The following FGF20 variants were observed in gnomAD, a reference collection of about 807,000 sequenced individuals.
FGF20 encodes fibroblast growth factor 20.
FGF20 carries 8 observed loss-of-function variants against 16.7 expected under a neutral mutation model. That is an observed-to-expected ratio of 0.48 (90% CI 0.28 to 0.87). FGF20 has a LOEUF of 0.87. FGF20 is among the 40% of genes least tolerant of loss of function. The pLI is 0.10. For missense variants in FGF20, 397 were observed against 281.4 expected (o/e 1.41, Z -2.94); for synonymous variants, 161 against 118.6 (o/e 1.36, Z -2.32).
chr8:16,993,595 G>A (rs1262612581), intron 2 of FGF20, among the ~76,000 whole-genome samples: 8 of 152,082 alleles, frequency 5.3e-5, no homozygotes, highest in Admixed American at 3.9e-4. Context: ...ATGGGGACAC[G>A]GGATGGTTTC....
chr8:17,001,846 T>C lies in FGF20; in HGVS notation c.187A>G (p.Ile63Val), dbSNP rs1286870556. The change falls in exon 1 of 3, where the codon ATC becomes GTC. Residue 63 changes from isoleucine to valine, a missense_variant. Ile to Val is a conservative substitution (Grantham distance 29, BLOSUM62 3). Coordinates refer to ENST00000180166, the MANE Select transcript of FGF20 (RefSeq NM_019851.3). ...CAATAGAGCTGCCGGCGGCGCAGGATGCCGTGCAGGTGCGCCAGCTGCGCA... is the reference window on the plus strand; with the variant it reads ...CAATAGAGCTGCCGGCGGCGCAGGACGCCGTGCAGGTGCGCCAGCTGCGCA... ...GAAQLAHLHG[I>V]LRRRQLYCRT... is the part of the protein sequence containing the mutation. The C allele has an allele frequency of 6.6e-7, 1 of 1,513,232 alleles. No homozygotes were observed. The highest frequency in any genetic ancestry group is 8.8e-7 in the Non-Finnish European group (1 of 1,133,814). The allele number at this position is 1,513,232 out of a possible 1,614,324, so 93.7% of individuals were successfully genotyped here.
chr8:16,992,785 G>C lies in FGF20; in HGVS notation c.*287C>G, dbSNP rs1041831813. The C allele has an allele frequency of 6.2e-5, 16 of 256,716 alleles. No homozygotes were observed. The East Asian group carries it at 1.4e-3, about 22-fold the overall frequency. The allele number at this position is 256,716 out of a possible 1,614,324, so 15.9% of individuals were successfully genotyped here. On this transcript the variant is annotated 3_prime_UTR_variant, in exon 3 of 3. Transcript: ENST00000180166. ...TGAGGCACCAGCAGCAACCATGTGA[G>C]GGTTCCCATTATCCACAGTTTAACA...
intron 1 of FGF20, among the ~76,000 whole-genome samples, chr8:17,001,383 G>T (rs906090495): frequency 1.3e-5 from 2 of 152,102 alleles, no homozygotes; most frequent in Non-Finnish European, 2.9e-5. Context: ...TGACTGCGAG[G>T]TAAGCAGTGC....
At chr8:16,998,441 C>A (rs1810106002) in intron 1 of FGF20, among the ~76,000 whole-genome samples, 1 of 152,110 alleles carries the variant, frequency 6.6e-6, no homozygotes, top group Admixed American at 6.6e-5. Context: ...TCATTTGATT[C>A]TTAAATGAGA....
At chr8:17,001,717 TG>T (rs1810188880) in intron 1 of FGF20, 29 bp downstream of exon 1, 8 of 1,548,584 alleles carry the variant, frequency 5.2e-6, no homozygotes, top group Non-Finnish European at 6.1e-6. Flanking sequence ...GGGGCGCAGA[TG>T]GGGGTGGGGT....
At chr8:16,998,325 T>C (rs770018242) in intron 1 of FGF20, among the ~76,000 whole-genome samples, 4 of 152,210 alleles carry the variant, frequency 2.6e-5, no homozygotes, top group Non-Finnish European at 4.4e-5. Flanking sequence ...CTCATGGGAC[T>C]GATATGTGTT....
intron 1 of FGF20, among the ~76,000 whole-genome samples, chr8:16,997,689 G>T (rs773525304): frequency 6.6e-6 from 1 of 152,170 alleles, no homozygotes; most frequent in Non-Finnish European, 1.5e-5. Flanking sequence ...AAGGCAGAGA[G>T]AAGATAAGAT....
rs1323824015 is a variant in FGF20, at chr8:16,992,249, G to A, written c.*823C>T. On this transcript the variant is annotated 3_prime_UTR_variant, in exon 3 of 3. Transcript: ENST00000180166. ...TACAAATCAATGAGGCATTTTTCTA[G>A]GCCAAAAGAAACCAACGTTACATTT... 6.6e-6 allele frequency: 1 copy of A among 150,586 alleles called. No individual in the cohort carries two copies. The highest frequency in any genetic ancestry group is 1.5e-5 in the Non-Finnish European group (1 of 67,706). The allele number at this position is 150,586 out of a possible 1,614,324, so 9.3% of individuals were successfully genotyped here. A position where few individuals can be genotyped will look rare whatever the true frequency, so the allele number is the denominator to read the frequency against.
chr8:16,997,326 C>T (rs17550102), intron 1 of FGF20, among the ~76,000 whole-genome samples: 5 of 152,158 alleles, frequency 3.3e-5, no homozygotes, highest in Admixed American at 2.6e-4. Flanking sequence ...ACCTTCACCC[C>T]TTCACCCCAT....
intron 2 of FGF20, among the ~76,000 whole-genome samples, chr8:16,994,527 A>G (rs1376177955): frequency 1.3e-5 from 2 of 151,902 alleles, no homozygotes. Context: ...ACTTATGATT[A>G]TTATACATTG....
At position 17,001,846 on chromosome 8, in the gene FGF20, T is replaced by A. The variant is rs1286870556; in HGVS notation, c.187A>T (p.Ile63Phe). The change falls in exon 1 of 3, where the codon ATC becomes TTC. Residue 63 changes from isoleucine (I) to phenylalanine (F), a missense_variant. Coordinates refer to ENST00000180166, the MANE Select transcript of FGF20 (RefSeq NM_019851.3). ...CAATAGAGCTGCCGGCGGCGCAGGA[T>A]GCCGTGCAGGTGCGCCAGCTGCGCA... ...GAAQLAHLHG[I>F]LRRRQLYCRT... The A allele has an allele frequency of 6.6e-7, 1 of 1,513,232 alleles. No homozygotes were observed. Among genetic ancestry groups the A allele is most frequent in the Admixed American group, 2.2e-5 (1 of 46,006 alleles). 93.7% of individuals were successfully genotyped at this position (1,513,232 alleles called of 1,614,324 possible).
At chr8:16,999,688 A>ATTTTTTTTTTTT (rs59591258) in intron 1 of FGF20, among the ~76,000 whole-genome samples, 5 of 132,812 alleles carry the variant, frequency 3.8e-5, no homozygotes, top group African/African-American at 1.4e-4. Context: ...CGCCCAGCTA[A>ATTTTTTTTTTTT]TTTTTTTTTT....
rs1236770327 is a variant in FGF20, at chr8:17,001,890, G to C, written c.143C>G (p.Ala48Gly). Residue 48 changes from alanine (A) to glycine (G), a missense_variant, in exon 1 of 3, where the codon GCG (alanine) becomes GGG (glycine). Ala to Gly is a moderately conservative substitution (Grantham distance 60). Transcript: ENST00000180166. ...CTGCGCAGCCCCCGGCCCGCCGCGC[G>C]CGCTCCGCTCCGCCGCGCTCCTGCG... ...GERRSAAERS[A>G]RGGPGAAQLA... The C allele has an allele frequency of 1.4e-6, 2 of 1,435,352 alleles. No individual in the cohort carries two copies. The highest frequency in any genetic ancestry group is 9.1e-7 in the Non-Finnish European group (1 of 1,098,844). 88.9% of individuals were successfully genotyped at this position (1,435,352 alleles called of 1,614,324 possible).
chr8:16,997,956 C>T (rs750336186), intron 1 of FGF20, among the ~76,000 whole-genome samples: 31 of 150,456 alleles, frequency 2.1e-4, no homozygotes, highest in Admixed American at 5.4e-4. Context: ...AACTTAATTC[C>T]CTTTAAGTAT....
chr8:17,001,458 G>T (rs376613205), intron 1 of FGF20, among the ~76,000 whole-genome samples: 1 of 152,096 alleles, frequency 6.6e-6, no homozygotes, highest in Non-Finnish European at 1.5e-5. Context: ...CAAGGGGAAG[G>T]CAGGAAGGAG....
chr8:16,999,483 G>T (rs1231862067), intron 1 of FGF20, among the ~76,000 whole-genome samples: 2 of 137,496 alleles, frequency 1.5e-5, no homozygotes, highest in African/African-American at 5.4e-5. Context: ...TTTTTTTTCT[G>T]TCACTGGAGA....
chr8:17,000,003 C>A (rs577495187), intron 1 of FGF20, among the ~76,000 whole-genome samples: 2 of 152,172 alleles, frequency 1.3e-5, no homozygotes, highest in Admixed American at 6.5e-5. Context: ...CTGTAATGAG[C>A]GCAGTGAAGT....
At chr8:16,995,782 A>G (rs1163355846) in intron 1 of FGF20, 24 bp from the exon 2 acceptor site, 2 of 1,347,782 alleles carry the variant, frequency 1.5e-6, no homozygotes, top group East Asian at 2.3e-5. Flanking sequence ...CAATTCATAA[A>G]AACACCATGT....
chr8:16,994,101 C>T (rs1455079259), intron 2 of FGF20, among the ~76,000 whole-genome samples: 2 of 152,086 alleles, frequency 1.3e-5, no homozygotes, highest in Non-Finnish European at 2.9e-5. Flanking sequence ...TTTTCAAATA[C>T]CTAAAAAATA....
Sources: gnomAD v4.1 joint callset for allele counts (sites outside exome capture counted in the v4.1 genomes callset) on GRCh38, gnomAD v4.1.1 for gene constraint, MANE v1.5 for transcripts, NCBI Gene and HGNC (gene_info 2026-07-23, HGNC 2026-07-21) for gene names.